The following SLC35F1 variants were observed in gnomAD, a reference collection of about 807,000 sequenced individuals.
The protein encoded by SLC35F1 is chromosome 6 open reading frame 169.
Under a neutral mutation model 48.7 loss-of-function variants are expected in SLC35F1, and 14 were observed. The observed-to-expected ratio is 0.29, with a 90% CI of 0.19 to 0.45. SLC35F1 has a LOEUF of 0.45. SLC35F1 is among the 20% of genes least tolerant of loss of function. The probability of loss-of-function intolerance (pLI) is 1.00; values close to 1 mark genes in which losing one functional copy is unlikely to be tolerated. For synonymous variants in SLC35F1, 190 were observed against 202.2 expected, an observed-to-expected ratio of 0.94 and a Z score of 0.51; for missense variants, 404 against 500.0, an observed-to-expected ratio of 0.81 and a Z score of 1.83.
At position 117,923,694 on chromosome 6, in the gene SLC35F1, C is replaced by CATATATGTATATATACACGTGTAT; in HGVS notation, c.173+15800_173+15801insTGTATATATACACGTGTATATATA. On this transcript the variant is annotated intron_variant, in intron 1 of 7. Transcript: ENST00000360388. ...ATATATGTACATATATACATATGTA[C>CATATATGTATATATACACGTGTAT]ATATACATATATGTACATATATACA... Among the ~76,000 whole-genome samples, 16 of 13,504 alleles carry CATATATGTATATATACACGTGTAT rather than the reference C, an allele frequency of 1.2e-3. 2 individuals are homozygous for CATATATGTATATATACACGTGTAT. The highest frequency in any genetic ancestry group is 8.1e-3 in the African/African-American group (12 of 1,488). The allele number at this position is 13,504 out of a possible 152,430, so 8.9% of individuals were successfully genotyped here.
intron 1 of SLC35F1, among the ~76,000 whole-genome samples, chr6:118,039,813 T>TTTTTTTTTTTTTG (rs1337280245): frequency 6.7e-6 from 1 of 149,710 alleles, no homozygotes; most frequent in African/African-American, 2.4e-5. Flanking sequence ...TTTTTGTTTT[T>TTTTTTTTTTTTTG]TTTTTTTGCT....
chr6:118,306,695 C>T (rs935233161), intron 7 of SLC35F1, among the ~76,000 whole-genome samples: 2 of 152,190 alleles, frequency 1.3e-5, no homozygotes, highest in African/African-American at 4.8e-5. Flanking sequence ...ACAGAGTAAG[C>T]CCCTCTGTTC....
intron 1 of SLC35F1, among the ~76,000 whole-genome samples, chr6:117,940,700 G>A (rs746798564): frequency 2.0e-5 from 3 of 151,826 alleles, no homozygotes; most frequent in Non-Finnish European, 4.4e-5. Flanking sequence ...CCAGGCTGTA[G>A]TACAGTGGCA....
chr6:118,105,571 C>G (rs1263684773), intron 1 of SLC35F1, among the ~76,000 whole-genome samples: 1 of 152,222 alleles, frequency 6.6e-6, no homozygotes, highest in Non-Finnish European at 1.5e-5. Context: ...ATTGATCTTT[C>G]TACGCATTGC....
intron 4 of SLC35F1, 52 bp downstream of exon 4, chr6:118,267,206 G>T (rs1344402418): frequency 1.3e-6 from 2 of 1,599,118 alleles, no homozygotes; most frequent in African/African-American, 2.7e-5. Context: ...TGAGGCCAAG[G>T]CAAGAAATGG....
chr6:118,130,726 A>G (rs532350604), intron 1 of SLC35F1, among the ~76,000 whole-genome samples: 2 of 152,148 alleles, frequency 1.3e-5, no homozygotes, highest in South Asian at 4.1e-4. Flanking sequence ...GAGAATTGCC[A>G]CTACTTTGTA....
chr6:118,139,749 G>A (rs770363083), intron 1 of SLC35F1, among the ~76,000 whole-genome samples: 3 of 152,200 alleles, frequency 2.0e-5, no homozygotes, highest in Non-Finnish European at 4.4e-5. Flanking sequence ...GCATGCACAA[G>A]TAGAAAGTGA....
At chr6:118,284,251 A>G (rs1776022920) in intron 6 of SLC35F1, among the ~76,000 whole-genome samples, 1 of 152,242 alleles carries the variant, frequency 6.6e-6, no homozygotes, top group South Asian at 2.1e-4. Context: ...TCCTTTGGAA[A>G]GGTTATTTTT....
At chr6:118,208,140 CA>C (rs1231851459) in intron 2 of SLC35F1, among the ~76,000 whole-genome samples, 16 of 152,256 alleles carry the variant, frequency 1.1e-4, no homozygotes, top group African/African-American at 2.9e-4. Flanking sequence ...CACACACACA[CA>C]CACCCCTCTG....
Position 118,314,006 on chromosome 6 carries a change from CTT to C in SLC35F1, c.1003-20_1003-19del. On this transcript the variant is annotated intron_variant, in intron 7 of 7. Coordinates refer to ENST00000360388, the MANE Select transcript of SLC35F1 (RefSeq NM_001029858.4). ...TGGTTCTGCCCTGGCTGTCAAATGA[CTT>C]TACTGTTGTGTTTTTTTAGTTTTCA... 2.5e-6 allele frequency: 4 copies of C among 1,611,452 alleles called. No homozygotes were observed. The highest frequency in any genetic ancestry group is 3.4e-6 in the Non-Finnish European group (4 of 1,177,570).
At chr6:118,244,758 A>G (rs1465736428) in intron 3 of SLC35F1, among the ~76,000 whole-genome samples, 2 of 151,372 alleles carry the variant, frequency 1.3e-5, no homozygotes. Context: ...GGACTTGTGT[A>G]CTTGGAACTT....
At chr6:118,150,702 A>G (rs1255310333) in intron 1 of SLC35F1, among the ~76,000 whole-genome samples, 2 of 152,202 alleles carry the variant, frequency 1.3e-5, no homozygotes, top group Non-Finnish European at 2.9e-5. Context: ...TTAGGAATGT[A>G]AGTTATTATG....
In SLC35F1 at chr6:118,256,205, GGTGTGTGTGTGTGTGTGTGTGT is replaced by G. The variant is rs71554895; in HGVS notation, c.478-10762_478-10741del. On this transcript the variant is annotated intron_variant, in intron 3 of 7. Transcript: ENST00000360388. ...GCCTGTCAGCTTAAAGAAGACTTCT[GGTGTGTGTGTGTGTGTGTGTGT>G]GTGTGTGTGTGTGTGTGTGTGTGTG... 2.0e-3 allele frequency among the ~76,000 whole-genome samples: 290 copies of G among 143,186 alleles called. 1 individual carries two copies. Among genetic ancestry groups the G allele is most frequent in the South Asian group, 8.3e-3 (36 of 4,356 alleles). 93.9% of individuals were successfully genotyped at this position (143,186 alleles called of 152,430 possible). A position where few individuals can be genotyped will look rare whatever the true frequency, so the allele number is the denominator to read the frequency against.
intron 2 of SLC35F1, among the ~76,000 whole-genome samples, chr6:118,159,082 G>A (rs561332582): frequency 2.0e-4 from 30 of 151,974 alleles, no homozygotes; most frequent in African/African-American, 2.4e-4. Flanking sequence ...TTAGCTGGGC[G>A]TGGTGGCAGG....
intron 2 of SLC35F1, among the ~76,000 whole-genome samples, chr6:118,161,691 C>T (rs1240578864): frequency 6.6e-6 from 1 of 152,154 alleles, no homozygotes; most frequent in Admixed American, 6.5e-5. Flanking sequence ...ATAAAGATTG[C>T]ACCTCAGGGA....
chr6:117,952,181 A>AGT (rs146160356), intron 1 of SLC35F1, among the ~76,000 whole-genome samples: 26 of 150,884 alleles, frequency 1.7e-4, no homozygotes, highest in East Asian at 3.9e-4. Context: ...TGTCTGTATG[A>AGT]GTGTGTGTGT....
chr6:118,222,368 T>C (rs1775162730), intron 2 of SLC35F1, among the ~76,000 whole-genome samples: 1 of 152,178 alleles, frequency 6.6e-6, no homozygotes, highest in Non-Finnish European at 1.5e-5. Flanking sequence ...ATATTGGTAG[T>C]TGAGTACAAA....
intron 1 of SLC35F1, among the ~76,000 whole-genome samples, chr6:117,945,042 T>C (rs549477466): frequency 6.6e-6 from 1 of 152,338 alleles, no homozygotes; most frequent in Non-Finnish European, 1.5e-5. Flanking sequence ...TCTGCATTCA[T>C]GGAGCTTGCA....
chr6:118,157,458 G>T (rs1774162262), intron 2 of SLC35F1, among the ~76,000 whole-genome samples: 1 of 152,114 alleles, frequency 6.6e-6, no homozygotes. Context: ...GTTTATTAAG[G>T]AGTATTGACT....
Sources: gnomAD v4.1 joint callset for allele counts (sites outside exome capture counted in the v4.1 genomes callset) on GRCh38, gnomAD v4.1.1 for gene constraint, MANE v1.5 for transcripts, NCBI Gene and HGNC (gene_info 2026-07-23, HGNC 2026-07-21) for gene names.